The following TMTC2 variants were observed in gnomAD, a reference collection of about 807,000 sequenced individuals.
TMTC2 encodes the protein transmembrane O-mannosyltransferase targeting cadherins 2.
A neutral mutation model predicts 82.4 loss-of-function variants in TMTC2; 43 were observed. That is an observed-to-expected ratio of 0.52 (90% CI 0.41 to 0.67). The LOEUF (loss-of-function observed/expected upper bound fraction) is 0.67, where lower values mean the gene tolerates loss of function less well. TMTC2 is among the 30% of genes least tolerant of loss of function. The pLI, the probability that TMTC2 is intolerant of heterozygous loss-of-function variation, is 0.00. For synonymous variants in TMTC2, 408 were observed against 381.9 expected (o/e 1.07, Z -0.80); for missense variants, 919 against 1,012.4 (o/e 0.91, Z 1.25).
At chr12:83,118,646 T>C (rs1467817396) in intron 11 of TMTC2, among the ~76,000 whole-genome samples, 1 of 152,180 alleles carries the variant, frequency 6.6e-6, no homozygotes, top group Non-Finnish European at 1.5e-5. Context: ...TTTGGTTATA[T>C]CCTTTCGTGG....
At chr12:83,127,021 A>G (rs1885118243) in intron 11 of TMTC2, among the ~76,000 whole-genome samples, 1 of 152,172 alleles carries the variant, frequency 6.6e-6, no homozygotes, top group African/African-American at 2.4e-5. Flanking sequence ...AGCAATTTCA[A>G]CTGAATACAG....
intron 1 of TMTC2, among the ~76,000 whole-genome samples, chr12:82,746,011 C>T (rs934390784): frequency 1.8e-4 from 28 of 152,322 alleles, no homozygotes; most frequent in African/African-American, 6.7e-4. Flanking sequence ...CCTAAATTGT[C>T]AGGCCTATTG....
chr12:82,819,248 G>A (rs1868934660), intron 1 of TMTC2, among the ~76,000 whole-genome samples: 1 of 152,054 alleles, frequency 6.6e-6, no homozygotes, highest in East Asian at 1.9e-4. Context: ...TTAATTTTTA[G>A]AAAACTTTTC....
chr12:83,032,278 TATATATATATATATATAG>T (rs1321937437), intron 9 of TMTC2, among the ~76,000 whole-genome samples: 3 of 125,448 alleles, frequency 2.4e-5, no homozygotes, highest in African/African-American at 8.8e-5. Flanking sequence ...TATATATATA[TATATATATATATATATAG>T]GTTTGTCACA....
intron 2 of TMTC2, among the ~76,000 whole-genome samples, chr12:82,887,367 T>C (rs1218999179): frequency 6.6e-6 from 1 of 152,176 alleles, no homozygotes; most frequent in Non-Finnish European, 1.5e-5. Flanking sequence ...TTCACTCTTA[T>C]TTTTATGTAT....
chr12:82,845,252 A>AAAAAAT lies in TMTC2; in HGVS notation c.84-11757_84-11756insAAAATA, dbSNP rs1555190264. ...AAAAAAAAAAAAAAAAAAAAAAAAAAATATATATATATATATATATATTGA... is the reference window on the plus strand; with the variant it reads ...AAAAAAAAAAAAAAAAAAAAAAAAAAAAAAATATATATATATATATATATATATTGA... On this transcript the variant is annotated intron_variant, in intron 1 of 11. Transcript: ENST00000321196. Among the ~76,000 whole-genome samples, 71 of 38,786 alleles carry AAAAAAT rather than the reference A, an allele frequency of 1.8e-3. 2 individuals carry two copies. Among genetic ancestry groups the AAAAAAT allele is most frequent in the East Asian group, 3.1e-3 (3 of 956 alleles). 25.4% of individuals were successfully genotyped at this position (38,786 alleles called of 152,430 possible).
At chr12:82,735,567 G>A (rs570386285) in intron 1 of TMTC2, among the ~76,000 whole-genome samples, 20 of 151,892 alleles carry the variant, frequency 1.3e-4, no homozygotes, top group African/African-American at 2.2e-4. Flanking sequence ...GGATGGTCTC[G>A]ATCTCCTGAC....
At chr12:82,694,537 C>T (rs939056538) in intron 1 of TMTC2, among the ~76,000 whole-genome samples, 6 of 152,098 alleles carry the variant, frequency 3.9e-5, no homozygotes, top group African/African-American at 1.4e-4. Flanking sequence ...AATTTCTTTG[C>T]CGGGGCATTT....
chr12:83,051,305 T>G (rs182837372), intron 10 of TMTC2, among the ~76,000 whole-genome samples: 44 of 152,234 alleles, frequency 2.9e-4, no homozygotes, highest in African/African-American at 9.6e-4. Flanking sequence ...TCTTTCTTTT[T>G]TTTTTAAGCT....
chr12:83,120,706 A>G lies in TMTC2; in HGVS notation c.2332-11504A>G, dbSNP rs140978788. On this transcript the variant is annotated intron_variant, in intron 11 of 11. Coordinates refer to ENST00000321196, the MANE Select transcript of TMTC2 (RefSeq NM_152588.3). ...TATTTGGTTGTCTAGGGTCTCTAGC[A>G]AGGCCAGGGAAGTTTTCCTCGATTA... Among the ~76,000 whole-genome samples, 236 of 152,336 alleles carry G rather than the reference A, an allele frequency of 1.5e-3. 1 individual carries two copies. The highest frequency in any genetic ancestry group is 5.4e-3 in the African/African-American group (226 of 41,568).
At position 82,895,822 on chromosome 12, in the gene TMTC2, A is replaced by T. The variant is rs893481956; in HGVS notation, c.659A>T (p.Lys220Met). The T allele has an allele frequency of 6.2e-7, 1 of 1,601,740 alleles. No homozygotes were observed. Among genetic ancestry groups the T allele is most frequent in the Non-Finnish European group, 8.5e-7 (1 of 1,173,748 alleles). ...CCTTCTCTCTTTTGGTTTCAGAGGA[A>T]GAACTTGTCGCTTTTCCTAAGCATT... is the stretch of plus-strand genomic sequence containing the variant. ...KQILPTIYKR[K>M]NLSLFLSISL... The change falls in exon 3 of 12, where the codon AAG (lysine) becomes ATG (methionine). Residue 220 changes from lysine to methionine, a missense_variant. Coordinates refer to ENST00000321196, the MANE Select transcript of TMTC2 (RefSeq NM_152588.3).
At chr12:83,005,303 T>A (rs1592688066) in intron 8 of TMTC2, among the ~76,000 whole-genome samples, 1 of 124,472 alleles carries the variant, frequency 8.0e-6, no homozygotes. Context: ...CACTCCAGCC[T>A]GGGAAACGCA....
rs1052984791 is a variant in TMTC2 at position 82,897,658 on chromosome 12, T to C, written c.1483+1012T>C. Among the ~76,000 whole-genome samples, 8 of 152,222 alleles carry C rather than the reference T, an allele frequency of 5.3e-5. No homozygotes were observed. The East Asian group carries it at 1.4e-3, about 26-fold the overall frequency. On this transcript the variant is annotated intron_variant, in intron 3 of 11. Transcript: ENST00000321196. The stretch of plus-strand genomic sequence containing the variant: ...CTCCTCCTCCAGACTCCAGAGGCAC[T>C]GAGATTACAGGCGCCCACCACCACA...
intron 8 of TMTC2, among the ~76,000 whole-genome samples, chr12:83,014,253 T>C (rs978953641): frequency 2.0e-5 from 3 of 152,304 alleles, no homozygotes; most frequent in African/African-American, 7.2e-5. Flanking sequence ...ACCTCTGCCT[T>C]CTGCACTCAA....
At chr12:82,735,369 A>G (rs776441238) in intron 1 of TMTC2, among the ~76,000 whole-genome samples, 18 of 147,764 alleles carry the variant, frequency 1.2e-4, no homozygotes, top group Non-Finnish European at 2.1e-4. Context: ...TTTTTGAGAC[A>G]GAGTCTTACT....
At chr12:82,883,709 T>C (rs573609080) in intron 2 of TMTC2, among the ~76,000 whole-genome samples, 25 of 152,324 alleles carry the variant, frequency 1.6e-4, no homozygotes, top group Middle Eastern at 3.4e-3. Flanking sequence ...AGTTGGCCAA[T>C]TGGGGCAAGA....
chr12:83,026,807 G>T, intron 8 of TMTC2, among the ~76,000 whole-genome samples: 1 of 150,748 alleles, frequency 6.6e-6, no homozygotes. Flanking sequence ...TCAGTGATTG[G>T]GAGAGATGCT....
chr12:82,868,841 T>TTTG lies in TMTC2; in HGVS notation c.654+11279_654+11281dup, dbSNP rs368125244. The stretch of plus-strand genomic sequence containing the variant: ...TTTTCAGGGAAACGTTGAGTCTGGC[T>TTTG]TTGTTGTTGTTGTTGTTGTTCAGTG... On this transcript the variant is annotated intron_variant, in intron 2 of 11. Coordinates refer to ENST00000321196, the MANE Select transcript of TMTC2 (RefSeq NM_152588.3). Among the ~76,000 whole-genome samples the TTTG allele has an allele frequency of 3.8e-4, 57 of 151,992 alleles. No individual in the cohort carries two copies. The East Asian group carries it at 5.8e-3, about 15-fold the overall frequency.
intron 11 of TMTC2, among the ~76,000 whole-genome samples, chr12:83,130,264 C>A (rs1197162760): frequency 6.6e-6 from 1 of 152,160 alleles, no homozygotes; most frequent in East Asian, 1.9e-4. Context: ...GGACATAATT[C>A]AGAAATGTGT....
Sources: allele counts gnomAD v4.1 joint callset (sites outside exome capture counted in the v4.1 genomes callset), GRCh38; gene constraint gnomAD v4.1.1; transcripts MANE v1.5; gene names NCBI Gene and HGNC (gene_info 2026-07-23, HGNC 2026-07-21).